The following GGNBP2 variants were observed in gnomAD, a reference collection of about 807,000 sequenced individuals.
GGNBP2 encodes the protein gametogenetin-binding protein 2.
GGNBP2 carries 10 observed loss-of-function variants against 85.9 expected under a neutral mutation model. The observed-to-expected ratio is 0.12, with a 90% CI of 0.07 to 0.20. The LOEUF (loss-of-function observed/expected upper bound fraction) is 0.20, where lower values mean the gene tolerates loss of function less well. Among genes scored for constraint, GGNBP2 ranks in the 10% least tolerant of loss-of-function variants. The probability of loss-of-function intolerance (pLI) is 1.00; values close to 1 mark genes in which losing one functional copy is unlikely to be tolerated. For missense variants in GGNBP2, 595 were observed against 857.8 expected (o/e 0.69, Z 3.83); for synonymous variants, 287 against 285.7 (o/e 1.00, Z -0.05).
chr17:36,585,236 G>C (rs1316903957), intron 9 of GGNBP2, 64 bp from the exon 10 acceptor site: 1 of 1,373,396 alleles, frequency 7.3e-7, no homozygotes, highest in Non-Finnish European at 1.0e-6. Flanking sequence ...TTTTGATCTA[G>C]GGAATAAAAT....
rs576632814 is a variant in GGNBP2, at chr17:36,572,145, ATTTAC to A, written c.641+4372_641+4376del. Among the ~76,000 whole-genome samples, 43 of 152,264 alleles carry A rather than the reference ATTTAC, an allele frequency of 2.8e-4. No individual in the cohort carries two copies. In the East Asian group the frequency reaches 7.9e-3, roughly 28 times the overall value. On this transcript the variant is annotated intron_variant, in intron 6 of 13. Coordinates refer to ENST00000613102, the MANE Select transcript of GGNBP2 (RefSeq NM_024835.5). ...TTTTATATCCTATTTTTAACTTGCTATTTACTTATGCTTATAGTTGTACAATCAAA... is the reference window on the plus strand; with the variant it reads ...TTTTATATCCTATTTTTAACTTGCTATTATGCTTATAGTTGTACAATCAAA...
At chr17:36,554,636 A>G (rs1221351141) in intron 2 of GGNBP2, among the ~76,000 whole-genome samples, 184 bp from the exon 3 acceptor site, 1 of 151,844 alleles carries the variant, frequency 6.6e-6, no homozygotes, top group Admixed American at 6.6e-5. Flanking sequence ...CTGGCCTCCC[A>G]AAGTGCTGGG....
intron 5 of GGNBP2, among the ~76,000 whole-genome samples, chr17:36,567,405 A>G (rs2074479376): frequency 1.3e-5 from 2 of 152,192 alleles, no homozygotes; most frequent in Admixed American, 6.6e-5. Flanking sequence ...TTATTTCTTC[A>G]GATTATCTCA....
chr17:36,566,938 G>C (rs965891577), intron 5 of GGNBP2, among the ~76,000 whole-genome samples: 6 of 152,000 alleles, frequency 3.9e-5, no homozygotes, highest in African/African-American at 1.5e-4. Flanking sequence ...GGCTGAGGTG[G>C]GAGAATGGCT....
chr17:36,560,850 C>A lies in GGNBP2; in HGVS notation c.506C>A (p.Thr169Lys). Reference sequence around the variant, plus strand: ...AGATGTCAGTTGCACTCCTTAGATACGCACAAGCCAAAACCTTTGGGGTAA... The same window carrying A: ...AGATGTCAGTTGCACTCCTTAGATAAGCACAAGCCAAAACCTTTGGGGTAA... Reference protein sequence around the residue: ...NKRCQLHSLDTHKPKPLGGCW... With the variant: ...NKRCQLHSLDKHKPKPLGGCW... The change falls in exon 5 of 14, where the codon ACG becomes AAG. Residue 169 changes from threonine to lysine, a missense_variant. Physicochemically the swap from Thr to Lys is moderately conservative, Grantham distance 78. Coordinates refer to ENST00000613102, the MANE Select transcript of GGNBP2 (RefSeq NM_024835.5). The A allele has an allele frequency of 1.9e-6, 3 of 1,594,070 alleles. No homozygotes were observed. Among genetic ancestry groups the A allele is most frequent in the Non-Finnish European group, 2.6e-6 (3 of 1,167,684 alleles).
intron 6 of GGNBP2, among the ~76,000 whole-genome samples, chr17:36,573,885 A>G (rs929520734): frequency 4.0e-5 from 6 of 151,806 alleles, no homozygotes; most frequent in African/African-American, 1.2e-4. Context: ...AAGTTATTTT[A>G]TTTTTTTGAC....
intron 6 of GGNBP2, among the ~76,000 whole-genome samples, chr17:36,575,648 A>ATATATATTTT (rs374366757): frequency 5.8e-4 from 32 of 54,906 alleles, no homozygotes; most frequent in East Asian, 1.9e-3. Flanking sequence ...ATATATATAT[A>ATATATATTTT]TTTTTTTTTT....
intron 6 of GGNBP2, among the ~76,000 whole-genome samples, chr17:36,573,167 C>T (rs376065842): frequency 6.6e-6 from 1 of 152,054 alleles, no homozygotes; most frequent in Non-Finnish European, 1.5e-5. Flanking sequence ...GGCAGGGGTG[C>T]AGTGGCTTGA....
In GGNBP2 at chr17:36,555,342, C is replaced by T. The variant is rs75751134; in HGVS notation, c.174+442C>T. Among the ~76,000 whole-genome samples the T allele has an allele frequency of 4.9e-4, 75 of 152,174 alleles. No individual in the cohort carries two copies. The East Asian group carries it at 9.7e-3, about 20-fold the overall frequency. On this transcript the variant is annotated intron_variant, in intron 3 of 13. Transcript: ENST00000613102. The stretch of plus-strand genomic sequence containing the variant: ...CAATGTATAGTGGTCCCTCAGTATC[C>T]GTGGGGGATAGTTCAAGGATCCCTA...
At position 36,573,468 on chromosome 17, in the gene GGNBP2, C is replaced by G. The variant is rs192885729; in HGVS notation, c.642-4515C>G. ...GTTGCTCTCACATTTCGCCTGTTGT[C>G]AATAAATGCTGCAGTGAACATGAGT... On this transcript the variant is annotated intron_variant, in intron 6 of 13. Transcript: ENST00000613102. 8.4e-4 allele frequency among the ~76,000 whole-genome samples: 128 copies of G among 152,302 alleles called. 1 individual carries two copies. Among genetic ancestry groups the G allele is most frequent in the African/African-American group, 2.9e-3 (120 of 41,568 alleles).
At chr17:36,554,443 C>T (rs1008777899) in intron 2 of GGNBP2, among the ~76,000 whole-genome samples, 2 of 132,266 alleles carry the variant, frequency 1.5e-5, no homozygotes, top group Non-Finnish European at 3.0e-5. Context: ...TTTCAGCTCG[C>T]TGCAACCTCT....
At chr17:36,571,035 C>T (rs75616795) in intron 6 of GGNBP2, among the ~76,000 whole-genome samples, 10,841 of 152,056 alleles carry the variant, frequency 0.071, 662 homozygotes, top group African/African-American at 0.16. Flanking sequence ...AAAAGTATTA[C>T]GGTAGAACAT....
chr17:36,579,440 C>G, intron 8 of GGNBP2, 21 bp downstream of exon 8: 1 of 1,605,448 alleles, frequency 6.2e-7, no homozygotes, highest in Non-Finnish European at 8.5e-7. Flanking sequence ...TGGGCTGTTC[C>G]AGTATCTCAG....
Position 36,587,389 on chromosome 17 carries a change from C to T in GGNBP2, c.1890+144C>T, listed in dbSNP as rs532574978. On this transcript the variant is annotated intron_variant, in intron 13 of 13. Coordinates refer to ENST00000613102, the MANE Select transcript of GGNBP2 (RefSeq NM_024835.5). ...GTAGTATTTCATTATTGTTTGGGGA[C>T]TTCATTTCTGTCCTTCCACTCGTGG... 183 of 873,510 alleles carry T rather than the reference C, an allele frequency of 2.1e-4. 1 individual carries two copies. In the East Asian group the frequency reaches 4.4e-3, roughly 21 times the overall value. 54.1% of individuals were successfully genotyped at this position (873,510 alleles called of 1,614,324 possible).
intron 4 of GGNBP2, among the ~76,000 whole-genome samples, chr17:36,557,658 G>A (rs1265291533): frequency 1.3e-5 from 2 of 152,126 alleles, no homozygotes; most frequent in Admixed American, 6.5e-5. Context: ...TGAATGAAGT[G>A]AGCAAGCAAA....
chr17:36,573,111 CTTTTCTT>C (rs1267145875), intron 6 of GGNBP2, among the ~76,000 whole-genome samples: 5 of 151,940 alleles, frequency 3.3e-5, no homozygotes, highest in Admixed American at 6.6e-5. Context: ...ATATTATTCA[CTTTTCTT>C]TTTTCTTTTT....
chr17:36,572,982 TTAGA>T (rs542569984), intron 6 of GGNBP2, among the ~76,000 whole-genome samples: 48 of 151,674 alleles, frequency 3.2e-4, no homozygotes, highest in African/African-American at 1.1e-3. Flanking sequence ...AAGACAATAC[TTAGA>T]TAATGTCTAA....
intron 5 of GGNBP2, among the ~76,000 whole-genome samples, chr17:36,567,062 C>T (rs778796665): frequency 9.9e-5 from 15 of 151,944 alleles, no homozygotes; most frequent in African/African-American, 3.4e-4. Context: ...ATCAAAACTT[C>T]TTAGAATTTT....
At chr17:36,560,202 C>T (rs1304549756) in intron 4 of GGNBP2, among the ~76,000 whole-genome samples, 1 of 152,150 alleles carries the variant, frequency 6.6e-6, no homozygotes, top group East Asian at 1.9e-4. Context: ...AAGTGATCCT[C>T]TTACCTCAGC....
Sources: allele counts gnomAD v4.1 joint callset (sites outside exome capture counted in the v4.1 genomes callset), GRCh38; gene constraint gnomAD v4.1.1; transcripts MANE v1.5; gene names NCBI Gene and HGNC (gene_info 2026-07-23, HGNC 2026-07-21).